The following RBFOX1 variants were observed in gnomAD, a reference collection of about 807,000 sequenced individuals.
RBFOX1 encodes the protein RNA binding protein fox-1 homolog 1.
Under a neutral mutation model 57.7 loss-of-function variants are expected in RBFOX1, and 8 were observed. That is an observed-to-expected ratio of 0.14 (90% CI 0.08 to 0.25). The LOEUF (loss-of-function observed/expected upper bound fraction) is 0.25. RBFOX1 is among the 10% of genes least tolerant of loss of function. The pLI is 1.00. For missense variants in RBFOX1, 611 were observed against 548.5 expected (o/e 1.11, Z -1.14); for synonymous variants, 326 against 222.4 (o/e 1.47, Z -4.15).
At chr16:6,648,925 T>A (rs528110858) in intron 2 of RBFOX1, among the ~76,000 whole-genome samples, 17 of 152,340 alleles carry the variant, frequency 1.1e-4, no homozygotes, top group African/African-American at 4.1e-4. Flanking sequence ...AGAGCCAATA[T>A]CATATACATT....
intron 3 of RBFOX1, among the ~76,000 whole-genome samples, chr16:6,892,324 C>G (rs1406606773): frequency 6.6e-6 from 1 of 152,126 alleles, no homozygotes; most frequent in Non-Finnish European, 1.5e-5. Flanking sequence ...CTAAAAATAA[C>G]TCATTTGAAA....
intron 2 of RBFOX1, among the ~76,000 whole-genome samples, chr16:5,528,545 C>CTTT (rs755227280): frequency 9.6e-4 from 111 of 115,242 alleles, no homozygotes; most frequent in Non-Finnish European, 1.6e-3. Flanking sequence ...GACAGCTCTT[C>CTTT]TTTTTTTTTT....
exon 3 of RBFOX1, chr16:5,598,907 C>T: frequency 1.3e-6 from 2 of 1,522,486 alleles, no homozygotes; most frequent in South Asian, 2.4e-5. Flanking sequence ...GCCAGGACTA[C>T]AAGTCTGAAA....
chr16:6,454,942 G>A (rs140247513), intron 2 of RBFOX1, among the ~76,000 whole-genome samples: 1,657 of 142,644 alleles, frequency 0.012, 87 homozygotes, highest in African/African-American at 0.042. Flanking sequence ...GGAGTACAGC[G>A]GCACATCTCG....
intron 4 of RBFOX1, among the ~76,000 whole-genome samples, chr16:7,054,216 G>GC (rs1397236102): frequency 3.2e-5 from 3 of 92,358 alleles, no homozygotes; most frequent in Non-Finnish European, 6.0e-5. Flanking sequence ...TTTTTTTCGG[G>GC]GGGGGGGGGC....
intron 1 of RBFOX1, among the ~76,000 whole-genome samples, chr16:6,283,483 G>T (rs768684293): frequency 6.6e-6 from 1 of 152,050 alleles, no homozygotes; most frequent in African/African-American, 2.4e-5. Flanking sequence ...ACAATCAGAG[G>T]CCTGTTTTCT....
At chr16:7,172,335 C>G (rs372976840) in intron 4 of RBFOX1, among the ~76,000 whole-genome samples, 7 of 152,262 alleles carry the variant, frequency 4.6e-5, no homozygotes, top group East Asian at 1.9e-4. Context: ...CCTCAGTACC[C>G]TACACATCTT....
Position 5,410,171 on chromosome 16 carries a change from C to T in RBFOX1, c.220-57045C>T, listed in dbSNP as rs1446922626. Reference sequence around the variant, plus strand: ...TTCAGCCCAGGAGTTCGAGACCAGCCTGGGCAACATTGCAAGACACTGTCT... The same window carrying T: ...TTCAGCCCAGGAGTTCGAGACCAGCTTGGGCAACATTGCAAGACACTGTCT... On this transcript the variant is annotated intron_variant, in intron 1 of 2. Coordinates refer to the RBFOX1 transcript ENST00000585867. Among the ~76,000 whole-genome samples, 5 of 151,628 alleles carry T rather than the reference C, an allele frequency of 3.3e-5. No individual in the cohort carries two copies. The East Asian group carries it at 7.8e-4, about 24-fold the overall frequency.
chr16:7,680,082 G>A (rs1181353749), intron 14 of RBFOX1, among the ~76,000 whole-genome samples: 1 of 152,170 alleles, frequency 6.6e-6, no homozygotes, highest in African/African-American at 2.4e-5. Flanking sequence ...TGGTCATCCG[G>A]TCATTGCATG....
At chr16:5,716,449 GA>G (rs1206764058) in intron 3 of RBFOX1, among the ~76,000 whole-genome samples, 1 of 152,054 alleles carries the variant, frequency 6.6e-6, no homozygotes, top group African/African-American at 2.4e-5. Context: ...ACAATTGCAT[GA>G]AAAAAACCTC....
intron 4 of RBFOX1, among the ~76,000 whole-genome samples, chr16:7,465,949 C>G (rs1428162753): frequency 6.6e-6 from 1 of 152,206 alleles, no homozygotes; most frequent in African/African-American, 2.4e-5. Flanking sequence ...AAAAGAATGA[C>G]AGACTGGATA....
chr16:5,427,689 G>C (rs2067604585), intron 1 of RBFOX1, among the ~76,000 whole-genome samples: 1 of 152,180 alleles, frequency 6.6e-6, no homozygotes, highest in Non-Finnish European at 1.5e-5. Context: ...TACGATTCAA[G>C]CTCAAAGGCC....
At chr16:7,230,279 C>T (rs569669919) in intron 4 of RBFOX1, among the ~76,000 whole-genome samples, 9 of 152,064 alleles carry the variant, frequency 5.9e-5, no homozygotes, top group Admixed American at 1.3e-4. Context: ...ACAGAAAGTA[C>T]CTGCCGTCGT....
At position 6,726,628 on chromosome 16, in the gene RBFOX1, A is replaced by G. The variant is rs149441233; in HGVS notation, c.-16+71978A>G. ...ATATTCTATCAGTTCAGCAAACACTATGATTTCAAACAGGTGTGCATGCCC... is the reference window on the plus strand; with the variant it reads ...ATATTCTATCAGTTCAGCAAACACTGTGATTTCAAACAGGTGTGCATGCCC... On this transcript the variant is annotated intron_variant, in intron 3 of 15. Coordinates refer to ENST00000550418, the MANE Select transcript of RBFOX1 (RefSeq NM_018723.4). Among the ~76,000 whole-genome samples, 1,509 of 152,292 alleles carry G rather than the reference A, an allele frequency of 9.9e-3. 26 individuals carry two copies. Among genetic ancestry groups the G allele is most frequent in the African/African-American group, 0.033 (1,372 of 41,566 alleles).
At chr16:6,671,123 C>G (rs1251573610) in intron 3 of RBFOX1, among the ~76,000 whole-genome samples, 1 of 152,216 alleles carries the variant, frequency 6.6e-6, no homozygotes, top group African/African-American at 2.4e-5. Context: ...CCCAATCTTA[C>G]TCATTATTTC....
chr16:6,630,307 G>A (rs1338491307), intron 2 of RBFOX1, among the ~76,000 whole-genome samples: 2 of 152,168 alleles, frequency 1.3e-5, no homozygotes, highest in Non-Finnish European at 2.9e-5. Context: ...GAAAGGAGAG[G>A]AGAGAAGACA....
intron 2 of RBFOX1, among the ~76,000 whole-genome samples, chr16:6,602,035 G>C (rs1430961092): frequency 6.6e-6 from 1 of 152,154 alleles, no homozygotes; most frequent in Non-Finnish European, 1.5e-5. Flanking sequence ...AGCTTGGTAG[G>C]AGAACAAAGG....
intron 2 of RBFOX1, among the ~76,000 whole-genome samples, chr16:5,557,627 C>G (rs184517053): frequency 6.6e-6 from 1 of 152,176 alleles, no homozygotes; most frequent in African/African-American, 2.4e-5. Flanking sequence ...GCTGGGAAAG[C>G]ATGTGCAAAG....
chr16:7,449,601 C>G (rs902923372), intron 4 of RBFOX1, among the ~76,000 whole-genome samples: 5 of 151,928 alleles, frequency 3.3e-5, no homozygotes, highest in African/African-American at 1.2e-4. Context: ...CTTGAAATCT[C>G]TACTCAATTC....
Sources: gnomAD v4.1 joint callset for allele counts (sites outside exome capture counted in the v4.1 genomes callset) on GRCh38, gnomAD v4.1.1 for gene constraint, MANE v1.5 for transcripts, NCBI Gene and HGNC (gene_info 2026-07-23, HGNC 2026-07-21) for gene names.